Variants in TTC39C observed in about 807,000 individuals in gnomAD.
TTC39C encodes the protein tetratricopeptide repeat domain 39C.
In TTC39C, 33 loss-of-function variants were observed where a neutral mutation model predicts 76.3. The ratio of observed to expected loss-of-function variants is 0.43; its 90% CI spans 0.33 to 0.58. The LOEUF (loss-of-function observed/expected upper bound fraction) is 0.58, where lower values mean the gene tolerates loss of function less well. Among genes scored for constraint, TTC39C ranks in the 20% least tolerant of loss-of-function variants. TTC39C has a pLI of 0.04. For missense variants in TTC39C, 595 were observed against 701.4 expected (o/e 0.85, Z 1.71); for synonymous variants, 254 against 260.6 (o/e 0.97, Z 0.24).
Position 24,080,858 on chromosome 18 carries a change from G to A in TTC39C, c.734G>A (p.Gly245Asp). The A allele has an allele frequency of 6.2e-7, 1 of 1,614,118 alleles. No individual in the cohort carries two copies. The highest frequency in any genetic ancestry group is 1.1e-5 in the South Asian group (1 of 91,086). ...CTGCTCAAAATCATCAACCTGCTGGGTTTTCCTGGAGACCGCCTACAGGGG... is the reference window on the plus strand; with the variant it reads ...CTGCTCAAAATCATCAACCTGCTGGATTTTCCTGGAGACCGCCTACAGGGG... The part of the protein sequence containing the change: ...PNLLKIINLL[G>D]FPGDRLQGLS... Residue 245 changes from glycine to aspartate, a missense_variant, in exon 5 of 14, where the codon GGT (glycine) becomes GAT (aspartate). Gly to Asp is a moderately conservative substitution (Grantham distance 94). Coordinates refer to ENST00000317571, the MANE Select transcript of TTC39C (RefSeq NM_001135993.2).
intron 6 of TTC39C, among the ~76,000 whole-genome samples, chr18:24,083,282 T>G (rs1173256438): frequency 6.6e-6 from 1 of 152,134 alleles, no homozygotes; most frequent in Admixed American, 6.6e-5. Flanking sequence ...GTTCGGAAGA[T>G]GTGGGCGAAG....
intron 6 of TTC39C, among the ~76,000 whole-genome samples, chr18:24,111,941 T>C (rs1343025383): frequency 6.6e-6 from 1 of 150,774 alleles, no homozygotes; most frequent in African/African-American, 2.4e-5. Context: ...TGGTGAAAAA[T>C]ATGGGAAAAT....
intron 1 of TTC39C, among the ~76,000 whole-genome samples, chr18:24,055,388 C>G (rs1435759901): frequency 6.6e-6 from 1 of 151,750 alleles, no homozygotes; most frequent in Non-Finnish European, 1.5e-5. Context: ...CACATCCTTT[C>G]TAACACTTAT....
intron 4 of TTC39C, among the ~76,000 whole-genome samples, chr18:24,078,700 A>G (rs1464846674): frequency 6.6e-6 from 1 of 152,106 alleles, no homozygotes; most frequent in Non-Finnish European, 1.5e-5. Context: ...CTCATTAGAG[A>G]CTTAATGCCA....
At chr18:24,040,285 A>G (rs1197172330) in intron 1 of TTC39C, among the ~76,000 whole-genome samples, 1 of 152,218 alleles carries the variant, frequency 6.6e-6, no homozygotes, top group Non-Finnish European at 1.5e-5. Context: ...TTCTTGCGTA[A>G]GCCGCATCTA....
At chr18:24,041,623 G>A (rs539864924) in intron 1 of TTC39C, among the ~76,000 whole-genome samples, 1 of 152,270 alleles carries the variant, frequency 6.6e-6, no homozygotes, top group Non-Finnish European at 1.5e-5. Context: ...CCTCTTATCT[G>A]TTGCCCTGAT....
At chr18:24,021,532 TTTCC>T (rs2083517406) in intron 1 of TTC39C, among the ~76,000 whole-genome samples, 1 of 148,302 alleles carries the variant, frequency 6.7e-6, no homozygotes, top group Non-Finnish European at 1.5e-5. Context: ...GCTTTTTTTC[TTTCC>T]TTCTTTTTTT....
chr18:24,015,091 G>T, intron 1 of TTC39C, 53 bp downstream of exon 1: 1 of 1,358,344 alleles, frequency 7.4e-7, no homozygotes, highest in Non-Finnish European at 9.6e-7. Flanking sequence ...CTCGTGTCCG[G>T]CTCACGCGCC....
chr18:24,042,850 C>T (rs778795379), intron 1 of TTC39C, among the ~76,000 whole-genome samples: 5 of 152,028 alleles, frequency 3.3e-5, no homozygotes, highest in Non-Finnish European at 7.4e-5. Flanking sequence ...TTTAGGGTCC[C>T]GGGGTTTTTT....
intron 1 of TTC39C, among the ~76,000 whole-genome samples, chr18:23,998,717 C>G (rs532565053): frequency 7.9e-5 from 12 of 152,280 alleles, no homozygotes; most frequent in African/African-American, 2.9e-4. Context: ...AACTGATCAT[C>G]AATTTGTGGG....
At chr18:23,998,115 T>G (rs1435099195) in intron 1 of TTC39C, among the ~76,000 whole-genome samples, 1 of 152,174 alleles carries the variant, frequency 6.6e-6, no homozygotes, top group Non-Finnish European at 1.5e-5. Flanking sequence ...CTAGCTCCTC[T>G]TGTTCTTATA....
At chr18:24,114,303 C>G (rs766920155) in intron 6 of TTC39C, 4 of 296,546 alleles carry the variant, frequency 1.3e-5, no homozygotes, top group South Asian at 1.2e-4. Flanking sequence ...AAGGAGAGAA[C>G]GCTGGAGGAG....
intron 6 of TTC39C, among the ~76,000 whole-genome samples, chr18:24,112,301 CCTTGA>C (rs1368102390): frequency 6.6e-5 from 10 of 152,180 alleles, no homozygotes; most frequent in Non-Finnish European, 1.5e-5. Context: ...ATCTCAGGAT[CCTTGA>C]CTTAATCACA....
intron 1 of TTC39C, among the ~76,000 whole-genome samples, chr18:24,023,472 C>A (rs1003496660): frequency 1.3e-5 from 2 of 152,170 alleles, no homozygotes; most frequent in African/African-American, 4.8e-5. Flanking sequence ...GTCAGCTGCA[C>A]CTGGCCTGGG....
intron 2 of TTC39C, among the ~76,000 whole-genome samples, chr18:24,065,006 T>C (rs948392702): frequency 6.6e-6 from 1 of 152,222 alleles, no homozygotes; most frequent in Non-Finnish European, 1.5e-5. Context: ...AAAATGGTAC[T>C]GGGTGGCGGT....
chr18:24,029,697 G>A (rs2083644731), intron 1 of TTC39C, among the ~76,000 whole-genome samples: 1 of 149,578 alleles, frequency 6.7e-6, no homozygotes, highest in African/African-American at 2.5e-5. Context: ...TATTGTCATT[G>A]TTATGCCTTT....
Position 24,082,929 on chromosome 18 carries a change from TATC to T in TTC39C, c.835_837del (p.His279del), listed in dbSNP as rs2084394955. 6.2e-7 allele frequency: 1 copy of T among 1,613,022 alleles called. No homozygotes were observed. Among genetic ancestry groups the T allele is most frequent in the South Asian group, 1.1e-5 (1 of 90,932 alleles). ...TTCCTCTAGATTAGCTCTGCTCTGGTATCATACTGTAGTCCGCCCGTTTTTTGC... is the reference window on the plus strand; with the variant it reads ...TTCCTCTAGATTAGCTCTGCTCTGGTATACTGTAGTCCGCCCGTTTTTTGC... On this transcript the variant is annotated inframe_deletion, in exon 6 of 14. Transcript: ENST00000317571.
rs573562739 is a variant in TTC39C, at chr18:24,041,774, C to T, written c.168-22366C>T. Among the ~76,000 whole-genome samples the T allele has an allele frequency of 2.2e-3, 329 of 152,164 alleles. 1 individual carries two copies. Among genetic ancestry groups the T allele is most frequent in the African/African-American group, 7.9e-3 (326 of 41,504 alleles). ...CATATTATAAACAAATATAGATGTC[C>T]TTCATACTCAGAATTATGTTTTGAA... On this transcript the variant is annotated intron_variant, in intron 1 of 13. Coordinates refer to ENST00000317571, the MANE Select transcript of TTC39C (RefSeq NM_001135993.2).
At chr18:24,116,194 A>G (rs2084888979) in intron 7 of TTC39C, among the ~76,000 whole-genome samples, 1 of 152,122 alleles carries the variant, frequency 6.6e-6, no homozygotes. Flanking sequence ...GCTTCCTTCC[A>G]TCTCTATTTT....
Sources: allele counts gnomAD v4.1 joint callset (sites outside exome capture counted in the v4.1 genomes callset), GRCh38; gene constraint gnomAD v4.1.1; transcripts MANE v1.5; gene names NCBI Gene and HGNC (gene_info 2026-07-23, HGNC 2026-07-21).